CNTN5: variants seen among roughly 807,000 people sequenced by gnomAD.
CNTN5 encodes the protein contactin 5.
In CNTN5, 77 loss-of-function variants were observed where a neutral mutation model predicts 129.1. The observed-to-expected ratio is 0.60, with a 90% confidence interval of 0.50 to 0.72. The LOEUF (loss-of-function observed/expected upper bound fraction) is 0.72. Ranked by LOEUF, CNTN5 falls within the 30% of genes least tolerant of loss-of-function variation. The pLI, the probability that CNTN5 is intolerant of heterozygous loss-of-function variation, is 0.00. For synonymous variants in CNTN5, 509 were observed against 465.6 expected, an observed-to-expected ratio of 1.09 and a Z score of -1.20; for missense variants, 1,478 against 1,328.8, an observed-to-expected ratio of 1.11 and a Z score of -1.75.
At chr11:99,182,527 G>C (rs1591323530) in intron 1 of CNTN5, among the ~76,000 whole-genome samples, 1 of 152,094 alleles carries the variant, frequency 6.6e-6, no homozygotes, top group South Asian at 2.1e-4. Flanking sequence ...ACATCTTAGA[G>C]GAGCTCTGCA....
intron 3 of CNTN5, among the ~76,000 whole-genome samples, chr11:99,602,622 G>A (rs569436761): frequency 4.6e-5 from 7 of 152,100 alleles, no homozygotes; most frequent in African/African-American, 1.4e-4. Context: ...ACTACTTTAT[G>A]GGAAGGTCTG....
intron 2 of CNTN5, among the ~76,000 whole-genome samples, chr11:99,346,032 C>T (rs1591551272): frequency 6.6e-6 from 1 of 152,150 alleles, no homozygotes; most frequent in African/African-American, 2.4e-5. Context: ...ACCATGCTAA[C>T]ATAATACTTT....
At chr11:99,804,137 A>G (rs578056657) in intron 3 of CNTN5, among the ~76,000 whole-genome samples, 9 of 152,250 alleles carry the variant, frequency 5.9e-5, no homozygotes, top group South Asian at 2.1e-4. Context: ...TTTTCAGTCA[A>G]TATAGTTACA....
chr11:99,214,432 T>C (rs1860015714), intron 1 of CNTN5, among the ~76,000 whole-genome samples: 2 of 146,698 alleles, frequency 1.4e-5, no homozygotes, highest in Admixed American at 1.4e-4. Flanking sequence ...TAAAGCAGTA[T>C]AGTATAATGG....
At chr11:100,080,414 C>T (rs955876505) in intron 13 of CNTN5, among the ~76,000 whole-genome samples, 3 of 152,056 alleles carry the variant, frequency 2.0e-5, no homozygotes, top group Non-Finnish European at 2.9e-5. Flanking sequence ...TTATTTAACA[C>T]GCATAGAAAA....
At chr11:100,007,799 C>A (rs1236061859) in intron 9 of CNTN5, among the ~76,000 whole-genome samples, 1 of 147,462 alleles carries the variant, frequency 6.8e-6, no homozygotes, top group African/African-American at 2.5e-5. Context: ...TTTTTTTTTT[C>A]ATTCACAAGT....
chr11:99,565,938 CAATT>C (rs1948991413), intron 3 of CNTN5, among the ~76,000 whole-genome samples: 1 of 152,114 alleles, frequency 6.6e-6, no homozygotes, highest in African/African-American at 2.4e-5. Context: ...GTGGTATAAA[CAATT>C]AATAATAATA....
intron 3 of CNTN5, among the ~76,000 whole-genome samples, chr11:99,614,752 C>A (rs76901474): frequency 0.029 from 4,340 of 152,178 alleles, 171 homozygotes; most frequent in East Asian, 0.092. Flanking sequence ...TGGAAAGTAA[C>A]CCTATTTTCC....
chr11:99,456,440 G>A (rs1449962852), intron 2 of CNTN5, among the ~76,000 whole-genome samples: 2 of 152,048 alleles, frequency 1.3e-5, no homozygotes, highest in Non-Finnish European at 1.5e-5. Flanking sequence ...TAAATATTAA[G>A]GACATCTTGT....
At chr11:99,599,237 A>C (rs1950239703) in intron 3 of CNTN5, among the ~76,000 whole-genome samples, 3 of 151,896 alleles carry the variant, frequency 2.0e-5, no homozygotes, top group Admixed American at 2.0e-4. Flanking sequence ...AGGAAATTGG[A>C]TTTTATAAAA....
intron 1 of CNTN5, among the ~76,000 whole-genome samples, chr11:99,189,151 C>T (rs114419163): frequency 5.1e-4 from 78 of 151,780 alleles, no homozygotes; most frequent in African/African-American, 1.8e-3. Flanking sequence ...CCATGTTACA[C>T]AAATAACAGG....
intron 6 of CNTN5, among the ~76,000 whole-genome samples, chr11:99,894,974 C>T (rs1341777051): frequency 6.6e-6 from 1 of 152,186 alleles, no homozygotes; most frequent in East Asian, 1.9e-4. Flanking sequence ...ATGCCCCAAG[C>T]ATTTACAATA....
chr11:99,528,341 A>T (rs2135460036), intron 2 of CNTN5, among the ~76,000 whole-genome samples: 1 of 152,350 alleles, frequency 6.6e-6, no homozygotes, highest in South Asian at 2.1e-4. Context: ...AGTCACATAC[A>T]TGTAATAGTT....
intron 13 of CNTN5, among the ~76,000 whole-genome samples, chr11:100,183,776 A>C (rs2138465079): frequency 6.6e-6 from 1 of 152,256 alleles, no homozygotes; most frequent in South Asian, 2.1e-4. Flanking sequence ...ATATGCCTAT[A>C]ATAACTCAGT....
intron 17 of CNTN5, among the ~76,000 whole-genome samples, chr11:100,267,963 A>G (rs141265182): frequency 8.1e-4 from 123 of 152,336 alleles, no homozygotes; most frequent in African/African-American, 2.8e-3. Flanking sequence ...AGGTCATAAA[A>G]ATGGTCAGAA....
chr11:99,182,223 A>C (rs957323589), intron 1 of CNTN5, among the ~76,000 whole-genome samples: 1 of 152,214 alleles, frequency 6.6e-6, no homozygotes, highest in Non-Finnish European at 1.5e-5. Flanking sequence ...TAATACTATT[A>C]GTTTGAAAAT....
intron 9 of CNTN5, among the ~76,000 whole-genome samples, chr11:100,006,218 TATC>T (rs1480447793): frequency 2.0e-5 from 3 of 152,132 alleles, no homozygotes; most frequent in Non-Finnish European, 4.4e-5. Context: ...TTCAGCAAAT[TATC>T]ATCTTTTTGC....
intron 3 of CNTN5, among the ~76,000 whole-genome samples, chr11:99,789,302 A>G (rs1008927718): frequency 1.3e-5 from 2 of 151,948 alleles, no homozygotes; most frequent in Non-Finnish European, 2.9e-5. Context: ...AGTAGTTACT[A>G]TTATCCTGAT....
intron 2 of CNTN5, among the ~76,000 whole-genome samples, chr11:99,326,558 T>C (rs2656212): frequency 0.079 from 11,951 of 152,216 alleles, 545 homozygotes; most frequent in African/African-American, 0.12. Flanking sequence ...TACCACGATA[T>C]GTGATTTTAC....
Sources: gnomAD v4.1 joint callset for allele counts (sites outside exome capture counted in the v4.1 genomes callset) on GRCh38, gnomAD v4.1.1 for gene constraint, MANE v1.5 for transcripts, NCBI Gene and HGNC (gene_info 2026-07-23, HGNC 2026-07-21) for gene names.